DLG1: variants seen among roughly 807,000 people sequenced by gnomAD.
DLG1 encodes disks large homolog 1.
A neutral mutation model predicts 123.4 loss-of-function variants in DLG1; 42 were observed. The ratio of observed to expected loss-of-function variants is 0.34; its 90% CI spans 0.27 to 0.44. The LOEUF is 0.44. Ranked by LOEUF, DLG1 falls within the 20% of genes least tolerant of loss-of-function variation. DLG1 has a pLI of 1.00. For missense variants in DLG1, 942 were observed against 1,082.6 expected (o/e 0.87, Z 1.82); for synonymous variants, 317 against 356.2 (o/e 0.89, Z 1.24).
At chr3:197,250,579 AAAG>A (rs1440838605) in intron 4 of DLG1, among the ~76,000 whole-genome samples, 8 of 151,848 alleles carry the variant, frequency 5.3e-5, no homozygotes, top group African/African-American at 1.9e-4. Flanking sequence ...AAAAAAAAAA[AAAG>A]AAAAAGAAAA....
At chr3:197,048,874 C>T (rs1725279401) in intron 24 of DLG1, among the ~76,000 whole-genome samples, 1 of 152,124 alleles carries the variant, frequency 6.6e-6, no homozygotes, top group African/African-American at 2.4e-5. Context: ...TCAGGCTGGT[C>T]TCGGACTCCT....
At position 197,136,668 on chromosome 3, in the gene DLG1, A is replaced by G. The variant is rs1785187171; in HGVS notation, c.894T>C (p.Phe298=). The G allele has an allele frequency of 6.2e-7, 1 of 1,611,188 alleles. No individual in the cohort carries two copies. Among genetic ancestry groups the G allele is most frequent in the East Asian group, 2.2e-5 (1 of 44,812 alleles). ...GATTTCCAACACCTCCAGCAATGCT[A>G]AACCCAAGACCTGTTTGGAAAACAG... ...KLIKGPKGLG[F]SIAGGVGNQH... Residue 298 remains phenylalanine, a synonymous_variant, in exon 10 of 25, where the codon TTT becomes TTC. Transcript: ENST00000667157.
intron 3 of DLG1, among the ~76,000 whole-genome samples, chr3:197,286,741 T>C (rs537965094): frequency 6.0e-4 from 91 of 152,292 alleles, no homozygotes; most frequent in Middle Eastern, 6.8e-3. Context: ...ACCACACTAA[T>C]GCAAGGTTTG....
At chr3:197,206,154 TCTGA>T (rs922522415) in intron 4 of DLG1, among the ~76,000 whole-genome samples, 1 of 152,188 alleles carries the variant, frequency 6.6e-6, no homozygotes, top group Admixed American at 6.5e-5. Flanking sequence ...AGGGCATTAT[TCTGA>T]CTATTACAGT....
intron 4 of DLG1, chr3:197,260,162 T>C: frequency 3.4e-6 from 1 of 295,380 alleles, no homozygotes; most frequent in Non-Finnish European, 6.8e-6. Context: ...TTCAAATCTA[T>C]AACAATGGTT....
At chr3:197,104,213 T>C (rs942462924) in intron 14 of DLG1, among the ~76,000 whole-genome samples, 2 of 152,222 alleles carry the variant, frequency 1.3e-5, no homozygotes, top group Non-Finnish European at 2.9e-5. Flanking sequence ...TTGGGCATTA[T>C]TACTATATCT....
chr3:197,047,316 T>C (rs1724010500), intron 24 of DLG1, among the ~76,000 whole-genome samples: 1 of 152,104 alleles, frequency 6.6e-6, no homozygotes. Flanking sequence ...CCTATAAATG[T>C]GGTAAAATGT....
chr3:197,046,888 AAAAAC>A (rs1270128862), intron 24 of DLG1, among the ~76,000 whole-genome samples: 1 of 129,538 alleles, frequency 7.7e-6, no homozygotes, highest in African/African-American at 4.2e-5. Flanking sequence ...ACAAAAGACA[AAAAAC>A]AAAACGAAAC....
chr3:197,295,662 C>T (rs1252653316), intron 3 of DLG1, among the ~76,000 whole-genome samples: 1 of 152,104 alleles, frequency 6.6e-6, no homozygotes, highest in Non-Finnish European at 1.5e-5. Context: ...TTAAAAAAGG[C>T]TTTAAACCCA....
At chr3:197,275,376 A>T (rs1191005098) in intron 4 of DLG1, among the ~76,000 whole-genome samples, 1 of 152,180 alleles carries the variant, frequency 6.6e-6, no homozygotes, top group Non-Finnish European at 1.5e-5. Context: ...CATTTAATCC[A>T]GCACTCTCAC....
intron 18 of DLG1, among the ~76,000 whole-genome samples, chr3:197,072,694 A>C (rs149340678): frequency 6.7e-6 from 1 of 148,262 alleles, no homozygotes; most frequent in African/African-American, 2.5e-5. Context: ...AAAAAAAAAA[A>C]CAAAAAAACA....
chr3:197,097,156 G>C (rs1390275134), intron 14 of DLG1, among the ~76,000 whole-genome samples: 1 of 152,166 alleles, frequency 6.6e-6, no homozygotes, highest in African/African-American at 2.4e-5. Context: ...TTCTTCCTTA[G>C]TGTGGGGCTT....
chr3:197,052,377 C>A (rs190680803), intron 23 of DLG1, among the ~76,000 whole-genome samples: 1 of 152,038 alleles, frequency 6.6e-6, no homozygotes, highest in African/African-American at 2.4e-5. Context: ...ATCGCTTGAA[C>A]CCAGGAGGCA....
chr3:197,125,841 T>A (rs1260257559), intron 11 of DLG1, among the ~76,000 whole-genome samples: 5 of 152,102 alleles, frequency 3.3e-5, no homozygotes, highest in Non-Finnish European at 7.4e-5. Context: ...ACTAAAGTCT[T>A]CAGTGACTAC....
chr3:197,221,484 C>T (rs1561529357), intron 4 of DLG1, among the ~76,000 whole-genome samples: 1 of 151,680 alleles, frequency 6.6e-6, no homozygotes, highest in Non-Finnish European at 1.5e-5. Context: ...GAGGCTGCAC[C>T]ACTGCACTCC....
chr3:197,270,996 T>G (rs1423764025), intron 4 of DLG1, among the ~76,000 whole-genome samples: 1 of 152,118 alleles, frequency 6.6e-6, no homozygotes, highest in Non-Finnish European at 1.5e-5. Context: ...AAAGGTAATG[T>G]CATTTAAAGG....
intron 14 of DLG1, among the ~76,000 whole-genome samples, chr3:197,098,419 CAT>C (rs1434530071): frequency 6.6e-6 from 1 of 152,194 alleles, no homozygotes; most frequent in Non-Finnish European, 1.5e-5. Flanking sequence ...AAGCAGTTAA[CAT>C]AGTCTCAGAT....
At chr3:197,139,126 G>A (rs2149635489) in intron 8 of DLG1, among the ~76,000 whole-genome samples, 1 of 152,254 alleles carries the variant, frequency 6.6e-6, no homozygotes, top group African/African-American at 2.4e-5. Context: ...TTAAAAGTCT[G>A]ATTTGTTCCT....
At chr3:197,271,008 G>C (rs1560095428) in intron 4 of DLG1, among the ~76,000 whole-genome samples, 2 of 152,142 alleles carry the variant, frequency 1.3e-5, no homozygotes, top group African/African-American at 4.8e-5. Flanking sequence ...ATTTAAAGGG[G>C]GGGAAAAGAA....
Sources: gnomAD v4.1 joint callset for allele counts (sites outside exome capture counted in the v4.1 genomes callset) on GRCh38, gnomAD v4.1.1 for gene constraint, MANE v1.5 for transcripts, NCBI Gene and HGNC (gene_info 2026-07-23, HGNC 2026-07-21) for gene names.